The following C5orf58 variants were observed in gnomAD, a reference collection of about 807,000 sequenced individuals.
C5orf58 encodes the protein chromosome 5 open reading frame 58.
C5orf58 carries 2 observed loss-of-function variants against 2.9 expected under a neutral mutation model. That is an observed-to-expected ratio of 0.69 (90% CI 0.28 to 2.18). The LOEUF is 2.18. Among genes scored for constraint, C5orf58 ranks in the 30% most tolerant of loss-of-function variants. The pLI is 0.13. For synonymous variants in C5orf58, 37 were observed against 33.4 expected (o/e 1.11, Z -0.37); for missense variants, 96 against 91.7 (o/e 1.05, Z -0.19).
chr5:170,235,078 T>C lies in C5orf58; in HGVS notation c.94+8T>C. 7.7e-7 allele frequency: 1 copy of C among 1,296,128 alleles called. No individual in the cohort carries two copies. The highest frequency in any genetic ancestry group is 1.5e-5 in the African/African-American group (1 of 68,102). The allele number at this position is 1,296,128 out of a possible 1,614,324, so 80.3% of individuals were successfully genotyped here. On this transcript the variant is annotated splice_region_variant and intron_variant, in intron 3 of 3. Transcript: ENST00000593851. ...AGTTGAAGAAGATAAAAGGTAAGTA[T>C]TGAATCACTAAAATGTTTGCATGTC...
exon 3 of C5orf58, chr5:170,252,028 C>A: frequency 5.0e-6 from 1 of 200,212 alleles, no homozygotes; most frequent in Non-Finnish European, 1.1e-5. Flanking sequence ...CAAAAAGTTG[C>A]TGCCATCTCT....
At chr5:170,252,247 C>T (rs1333339774), downstream of C5orf58, 3 of 403,196 alleles carry the variant, frequency 7.4e-6, no homozygotes, top group South Asian at 6.4e-5. Flanking sequence ...TAATGATTCC[C>T]GAGCCTAGGA....
chr5:170,241,781 C>A (rs957608644), intron 3 of C5orf58, among the ~76,000 whole-genome samples: 6 of 148,322 alleles, frequency 4.0e-5, no homozygotes, highest in Non-Finnish European at 7.5e-5. Flanking sequence ...CCTTCTCCTG[C>A]CTAATTGCCC....
downstream of C5orf58, chr5:170,252,499 C>T: frequency 1.3e-6 from 2 of 1,550,014 alleles, no homozygotes; most frequent in Non-Finnish European, 1.8e-6. Flanking sequence ...TACCACTCTT[C>T]ATTTAATGAA....
Position 170,234,070 on chromosome 5 carries a change from G to A in C5orf58, c.-84-45G>A. The A allele has an allele frequency of 4.3e-6, 5 of 1,175,474 alleles. No homozygotes were observed. The South Asian group carries it at 4.9e-5, about 12-fold the overall frequency. The allele number at this position is 1,175,474 out of a possible 1,614,324, so 72.8% of individuals were successfully genotyped here. ...CATCCTGGAGAATGGGGTCTTGGGG[G>A]TAGATGCAAAGCGCATTTTATTAAT... is the stretch of plus-strand genomic sequence containing the variant. On this transcript the variant is annotated intron_variant, in intron 1 of 3. Transcript: ENST00000593851.
In C5orf58 at chr5:170,241,611, T is replaced by A. The variant is rs886562796; in HGVS notation, c.95-4351T>A. Among the ~76,000 whole-genome samples the A allele has an allele frequency of 5.9e-4, 90 of 151,620 alleles. 1 individual carries two copies. The South Asian group carries it at 0.018, about 30-fold the overall frequency. On this transcript the variant is annotated intron_variant, in intron 3 of 3. Transcript: ENST00000593851. The stretch of plus-strand genomic sequence containing the variant: ...ATTGGTGTATAAGAATGCTTGTGAT[T>A]TTCGTACATTGATTTTGTATCCTGA...
At chr5:170,237,240 T>A in intron 3 of C5orf58, 1 of 398,374 alleles carries the variant, frequency 2.5e-6, no homozygotes, top group Non-Finnish European at 4.4e-6. Context: ...AAATGAACAC[T>A]CTGTGCACCC....
At position 170,234,929 on chromosome 5, in the gene C5orf58, A is replaced by G. The variant is rs367926237; in HGVS notation, c.1-48A>G. 503 of 753,242 alleles carry G rather than the reference A, an allele frequency of 6.7e-4. 2 individuals are homozygous for G. The highest frequency in any genetic ancestry group is 9.6e-4 in the Non-Finnish European group (451 of 470,386). 46.7% of individuals were successfully genotyped at this position (753,242 alleles called of 1,614,324 possible). ...GAAAATGTAAGTATTTTAAAAGTACACATAAATACTGATTTATACATTGTT... is the reference window on the plus strand; with the variant it reads ...GAAAATGTAAGTATTTTAAAAGTACGCATAAATACTGATTTATACATTGTT... On this transcript the variant is annotated intron_variant, in intron 2 of 3. Coordinates refer to ENST00000593851, the MANE Select transcript of C5orf58 (RefSeq NM_001102609.3).
downstream of C5orf58, chr5:170,251,096 G>A: frequency 2.1e-6 from 1 of 482,242 alleles, no homozygotes; most frequent in South Asian, 3.0e-5. Flanking sequence ...ATTAAGAAAG[G>A]CAACAGAGAT....
chr5:170,235,987 G>A (rs1408380866), intron 3 of C5orf58, among the ~76,000 whole-genome samples: 1 of 152,042 alleles, frequency 6.6e-6, no homozygotes, highest in African/African-American at 2.4e-5. Context: ...TACCCCTCAT[G>A]ATCATTACCT....
intron 3 of C5orf58, among the ~76,000 whole-genome samples, chr5:170,244,734 G>C (rs150444187): frequency 6.6e-6 from 1 of 151,976 alleles, no homozygotes; most frequent in South Asian, 2.1e-4. Flanking sequence ...ATGTCCTCCC[G>C]TTAGCTCAGA....
chr5:170,250,006 T>G (rs1761397148), downstream of C5orf58, among the ~76,000 whole-genome samples: 1 of 152,238 alleles, frequency 6.6e-6, no homozygotes, highest in Non-Finnish European at 1.5e-5. Context: ...ATGCATTTTT[T>G]TTCTATTCAT....
Position 170,236,640 on chromosome 5 carries a change from C to T in C5orf58, c.94+1570C>T, listed in dbSNP as rs543507051. Among the ~76,000 whole-genome samples, 4 of 152,262 alleles carry T rather than the reference C, an allele frequency of 2.6e-5. No individual in the cohort carries two copies. In the South Asian group the frequency reaches 8.3e-4, roughly 32 times the overall value. Reference sequence around the variant, plus strand: ...CCCTCCTTTCCCCTCTAGTCTCTTACTCTGTTCTTACTGCATGTTCTATGC... The same window carrying T: ...CCCTCCTTTCCCCTCTAGTCTCTTATTCTGTTCTTACTGCATGTTCTATGC... On this transcript the variant is annotated intron_variant, in intron 3 of 3. Transcript: ENST00000593851.
chr5:170,251,793 G>GGT (rs1228059864), exon 3 of C5orf58: 1 of 352,008 alleles, frequency 2.8e-6, no homozygotes, highest in Non-Finnish European at 5.9e-6. Flanking sequence ...AGAATCTCAA[G>GGT]GTGAGACCCA....
At position 170,233,935 on chromosome 5, in the gene C5orf58, C is replaced by T. The variant is rs562349299; in HGVS notation, c.-84-180C>T. On this transcript the variant is annotated intron_variant, in intron 1 of 3. Coordinates refer to ENST00000593851, the MANE Select transcript of C5orf58 (RefSeq NM_001102609.3). ...TTTACTATTTTTAAAAAACTTTTGC[C>T]TTGTTTTTGAAGTTCTTTAATTCCA... The T allele has an allele frequency of 2.0e-3, 732 of 365,812 alleles. 7 individuals are homozygous for T. Among genetic ancestry groups the T allele is most frequent in the South Asian group, 0.015 (708 of 46,212 alleles). 22.7% of individuals were successfully genotyped at this position (365,812 alleles called of 1,614,324 possible). A position where few individuals can be genotyped will look rare whatever the true frequency, so the allele number is the denominator to read the frequency against.
rs1473590112 is a variant in C5orf58, at chr5:170,241,987, AG to A, written c.95-3972del. Among the ~76,000 whole-genome samples, 4 of 148,900 alleles carry A rather than the reference AG, an allele frequency of 2.7e-5. No homozygotes were observed. The East Asian group carries it at 5.9e-4, about 22-fold the overall frequency. On this transcript the variant is annotated intron_variant, in intron 3 of 3. Transcript: ENST00000593851. ...AATTTATTGAGAGTTTTTAGCATGA[AG>A]GGTTGTTGAATTTTGTCAAAGGCTT...
chr5:170,246,341 G>C (rs1761291986), downstream of C5orf58: 1 of 323,414 alleles, frequency 3.1e-6, no homozygotes. Context: ...TTATCCTTTA[G>C]CTTATGCTTG....
chr5:170,245,422 G>C lies in C5orf58; in HGVS notation c.95-540G>C, dbSNP rs933629421. Reference sequence around the variant, plus strand: ...TCAGACTGCTGTGCTAGCAATCAGCGAGACTCCGTGGGCGTAGGACCTTCC... The same window carrying C: ...TCAGACTGCTGTGCTAGCAATCAGCCAGACTCCGTGGGCGTAGGACCTTCC... On this transcript the variant is annotated intron_variant, in intron 3 of 3. Transcript: ENST00000593851. 9.8e-5 allele frequency among the ~76,000 whole-genome samples: 15 copies of C among 152,308 alleles called. No individual in the cohort carries two copies. In the Middle Eastern group the frequency reaches 0.01, roughly 104 times the overall value.
chr5:170,234,804 TATTACATAACACATTA>T (rs1212874997), intron 2 of C5orf58, 157 bp from the exon 3 acceptor site: 4 of 414,476 alleles, frequency 9.7e-6, no homozygotes, highest in Non-Finnish European at 1.3e-5. Context: ...GTTGGAAAAA[TATTACATAACACATTA>T]ATGCCTTTTG....
Sources: allele counts gnomAD v4.1 joint callset (sites outside exome capture counted in the v4.1 genomes callset), GRCh38; gene constraint gnomAD v4.1.1; transcripts MANE v1.5; gene names NCBI Gene and HGNC (gene_info 2026-07-23, HGNC 2026-07-21).